Variants in DTNA observed in about 807,000 individuals in gnomAD.
The protein encoded by DTNA is dystrobrevin alpha.
Under a neutral mutation model 100.7 loss-of-function variants are expected in DTNA, and 43 were observed. That is an observed-to-expected ratio of 0.43 (90% CI 0.33 to 0.55). The LOEUF (loss-of-function observed/expected upper bound fraction) is 0.55. DTNA is among the 20% of genes least tolerant of loss of function. DTNA has a pLI of 0.04. For synonymous variants in DTNA, 349 were observed against 347.9 expected (o/e 1.00, Z -0.04); for missense variants, 798 against 953.9 (o/e 0.84, Z 2.15).
chr18:34,757,894 G>C (rs2092889091), intron 2 of DTNA, among the ~76,000 whole-genome samples: 1 of 152,136 alleles, frequency 6.6e-6, no homozygotes, highest in Admixed American at 6.5e-5. Context: ...TTTCCTCCCT[G>C]GGTGTTCCAA....
chr18:34,522,378 G>C (rs1568583896), intron 1 of DTNA, among the ~76,000 whole-genome samples: 1 of 152,120 alleles, frequency 6.6e-6, no homozygotes, highest in African/African-American at 2.4e-5. Context: ...TACACGTATT[G>C]TCTCTTCTAG....
chr18:34,499,967 A>G (rs904453735), intron 1 of DTNA, among the ~76,000 whole-genome samples: 4 of 152,182 alleles, frequency 2.6e-5, no homozygotes, highest in Non-Finnish European at 5.9e-5. Context: ...CATGTAAATA[A>G]CTATTGAACT....
chr18:34,632,889 C>T (rs2058240902), intron 1 of DTNA, among the ~76,000 whole-genome samples: 1 of 152,016 alleles, frequency 6.6e-6, no homozygotes. Flanking sequence ...GTTAGTATAT[C>T]CTTTGTTATG....
chr18:34,839,888 C>A (rs1437481159), intron 13 of DTNA, among the ~76,000 whole-genome samples: 1 of 152,140 alleles, frequency 6.6e-6, no homozygotes, highest in Admixed American at 6.6e-5. Context: ...TTGCACCAAC[C>A]TAGTATTTCA....
chr18:34,561,839 T>C (rs2046665050), intron 1 of DTNA, among the ~76,000 whole-genome samples: 2 of 152,220 alleles, frequency 1.3e-5, no homozygotes, highest in Non-Finnish European at 2.9e-5. Flanking sequence ...TTGAATATTG[T>C]GATTTTTATT....
chr18:34,506,059 G>T (rs1379821636), intron 1 of DTNA, among the ~76,000 whole-genome samples: 1 of 152,166 alleles, frequency 6.6e-6, no homozygotes, highest in Non-Finnish European at 1.5e-5. Context: ...ACACCTGAGG[G>T]GACTTCACAT....
chr18:34,784,935 CTTT>C (rs570123829), intron 3 of DTNA, among the ~76,000 whole-genome samples: 8 of 138,536 alleles, frequency 5.8e-5, no homozygotes, highest in Admixed American at 7.2e-5. Context: ...CTGAAATATT[CTTT>C]TTTTTTTTTT....
At position 34,533,713 on chromosome 18, in the gene DTNA, A is replaced by G. The variant is rs144491500; in HGVS notation, c.-2+40199A>G. On this transcript the variant is annotated intron_variant, in intron 1 of 19. Transcript: ENST00000283365. ...AGAAGAAAAAAATCTGAAAATGCAT[A>G]TAGTGTGTATATAAACCATACAAGA... 8.2e-3 allele frequency among the ~76,000 whole-genome samples: 1,242 copies of G among 152,262 alleles called. 15 individuals are homozygous for G. The highest frequency in any genetic ancestry group is 0.029 in the African/African-American group (1,188 of 41,570).
chr18:34,667,685 G>A (rs1038738261), intron 1 of DTNA, among the ~76,000 whole-genome samples: 2 of 152,138 alleles, frequency 1.3e-5, no homozygotes, highest in Non-Finnish European at 2.9e-5. Context: ...AGATAATCAT[G>A]TGGTTTTTGT....
At chr18:34,600,772 ATAC>A (rs769213517) in intron 1 of DTNA, among the ~76,000 whole-genome samples, 22 of 152,248 alleles carry the variant, frequency 1.4e-4, no homozygotes, top group Non-Finnish European at 3.1e-4. Context: ...TGTTCCAGAT[ATAC>A]TATGGGTGGT....
rs1331257828 is a variant in DTNA, at chr18:34,889,758, C to G, written c.*2024C>G. The stretch of plus-strand genomic sequence containing the variant: ...TGACATACTTAATCATATATCTCTC[C>G]AGAGAACTCACCTGACAAATGTCTC... On this transcript the variant is annotated 3_prime_UTR_variant, in exon 23 of 23. Transcript: ENST00000444659. 1.0e-6 allele frequency: 1 copy of G among 986,488 alleles called. No homozygotes were observed. Among genetic ancestry groups the G allele is most frequent in the Non-Finnish European group, 1.2e-6 (1 of 830,500 alleles). 61.1% of individuals were successfully genotyped at this position (986,488 alleles called of 1,614,324 possible). A position where few individuals can be genotyped will look rare whatever the true frequency, so the allele number is the denominator to read the frequency against.
chr18:34,807,969 A>T lies in DTNA; in HGVS notation c.448+1665A>T, dbSNP rs2095406768. On this transcript the variant is annotated intron_variant, in intron 5 of 22. Transcript: ENST00000444659. ...TTAGCAAAATGAACCAAGGCTAAGG[A>T]AGGAAGTTCTGAGAACCTTGTCTGC... 4.6e-5 allele frequency among the ~76,000 whole-genome samples: 7 copies of T among 151,670 alleles called. No individual in the cohort carries two copies. The South Asian group carries it at 1.3e-3, about 27-fold the overall frequency.
intron 6 of DTNA, among the ~76,000 whole-genome samples, chr18:34,812,750 C>T (rs2095511178): frequency 6.6e-6 from 1 of 152,194 alleles, no homozygotes; most frequent in African/African-American, 2.4e-5. Context: ...ATATCACCTA[C>T]ACCCTCAGTG....
intron 1 of DTNA, among the ~76,000 whole-genome samples, chr18:34,589,693 A>T (rs2049497810): frequency 6.6e-6 from 1 of 152,180 alleles, no homozygotes; most frequent in South Asian, 2.1e-4. Context: ...TATTAACTGT[A>T]GTCTTTGTTC....
chr18:34,747,120 A>G (rs1455198541), intron 1 of DTNA, among the ~76,000 whole-genome samples: 2 of 132,686 alleles, frequency 1.5e-5, no homozygotes, highest in Non-Finnish European at 3.3e-5. Context: ...ATATATATAT[A>G]TGTTTATGTA....
chr18:34,860,744 CTGA>C (rs1284635030), intron 16 of DTNA, among the ~76,000 whole-genome samples: 1 of 152,174 alleles, frequency 6.6e-6, no homozygotes, highest in Admixed American at 6.5e-5. Context: ...CACAAGAAAA[CTGA>C]AAGCTGAGTC....
intron 16 of DTNA, among the ~76,000 whole-genome samples, chr18:34,860,220 G>GTAT (rs749839630): frequency 0.019 from 1,520 of 80,270 alleles, 47 homozygotes; most frequent in Non-Finnish European, 0.025. Context: ...CTAATTTTTT[G>GTAT]TTTTTTTTTT....
intron 1 of DTNA, among the ~76,000 whole-genome samples, chr18:34,509,713 C>G (rs573191478): frequency 2.6e-5 from 4 of 151,962 alleles, no homozygotes; most frequent in Non-Finnish European, 5.9e-5. Context: ...GTGCTTAAAC[C>G]TTTTTTTGTT....
intron 8 of DTNA, among the ~76,000 whole-genome samples, chr18:34,819,739 C>T (rs1020619369): frequency 7.9e-5 from 12 of 152,080 alleles, no homozygotes; most frequent in African/African-American, 2.9e-4. Flanking sequence ...CAAAGAGCTG[C>T]TGTTGCTGCT....
Sources: gnomAD v4.1 joint callset for allele counts (sites outside exome capture counted in the v4.1 genomes callset) on GRCh38, gnomAD v4.1.1 for gene constraint, MANE v1.5 for transcripts, NCBI Gene and HGNC (gene_info 2026-07-23, HGNC 2026-07-21) for gene names.